SMARCB1: variants seen among roughly 807,000 people sequenced by gnomAD.
The protein encoded by SMARCB1 is SWI/SNF related BAF chromatin remodeling complex subunit B1, also known as SWI/SNF-related matrix-associated actin-dependent regulator of chromatin subfamily B member 1.
A neutral mutation model predicts 49.0 loss-of-function variants in SMARCB1; 5 were observed. The ratio of observed to expected loss-of-function variants is 0.10; its 90% CI spans 0.05 to 0.21. SMARCB1 has a LOEUF of 0.21. Ranked by LOEUF, SMARCB1 falls within the 10% of genes least tolerant of loss-of-function variation. SMARCB1 has a pLI of 1.00. For synonymous variants in SMARCB1, 201 were observed against 200.1 expected (o/e 1.00, Z -0.04); for missense variants, 226 against 509.2 (o/e 0.44, Z 5.35).
In SMARCB1 at chr22:23,837,035, G is replaced by A. The variant is rs552271969; in HGVS notation, c.*2855G>A. 2 of 1,610,940 alleles carry A rather than the reference G, an allele frequency of 1.2e-6. No individual in the cohort carries two copies. The highest frequency in any genetic ancestry group is 2.2e-5 in the East Asian group (1 of 44,840). ...CGGTGGGGATCCTTCTGAGGGTGGG[G>A]AGAGGGAGGGAGGGCTCTCAACACT... On this transcript the variant is annotated 3_prime_UTR_variant, in exon 9 of 9. Transcript: ENST00000644036.
chr22:23,820,821 T>C (rs2030044752), intron 6 of SMARCB1, among the ~76,000 whole-genome samples: 1 of 152,170 alleles, frequency 6.6e-6, no homozygotes, highest in Admixed American at 6.5e-5. Flanking sequence ...TACGGTCTGC[T>C]GGCTCTGGAG....
intron 5 of SMARCB1, among the ~76,000 whole-genome samples, chr22:23,811,910 T>C (rs1929889870): frequency 6.6e-6 from 1 of 152,014 alleles, no homozygotes; most frequent in South Asian, 2.1e-4. Context: ...TTTTGAAAAA[T>C]TAATAAAACT....
At chr22:23,810,220 A>G (rs1202718767) in intron 5 of SMARCB1, among the ~76,000 whole-genome samples, 2 of 149,906 alleles carry the variant, frequency 1.3e-5, no homozygotes, top group Non-Finnish European at 3.0e-5. Context: ...CTTCCCTAAA[A>G]GAGTGGCTAA....
intron 5 of SMARCB1, among the ~76,000 whole-genome samples, chr22:23,805,747 C>T (rs889493172): frequency 2.0e-4 from 31 of 152,314 alleles, no homozygotes; most frequent in African/African-American, 4.1e-4. Context: ...TCAGGTGATC[C>T]GCCCGCCTTG....
chr22:23,824,988 T>G, intron 6 of SMARCB1: 1 of 588,404 alleles, frequency 1.7e-6, no homozygotes, highest in Non-Finnish European at 3.0e-6. Flanking sequence ...CGGGGTCACT[T>G]CAGGGCCTCC....
rs1470474620 is a variant in SMARCB1, at chr22:23,816,809, G to A, written c.668G>A (p.Cys223Tyr). 1.2e-6 allele frequency: 2 copies of A among 1,614,062 alleles called. No homozygotes were observed. The highest frequency in any genetic ancestry group is 1.6e-4 in the Middle Eastern group (1 of 6,062). ...CCTGAGATGTTTTCAGAAATCCTCTGTGACGATCTGGATTTGAACCCGCTG... is the reference window on the plus strand; with the variant it reads ...CCTGAGATGTTTTCAGAAATCCTCTATGACGATCTGGATTTGAACCCGCTG... ...MTPEMFSEIL[C>Y]DDLDLNPLTF... Residue 223 changes from cysteine (C) to tyrosine (Y), a missense_variant, in exon 6 of 9, where the codon TGT (cysteine) becomes TAT (tyrosine). This residue lies in a region of SMARCB1 where 128 missense variants were observed against 263.9 expected (regional missense o/e 0.49). Coordinates refer to ENST00000644036, the MANE Select transcript of SMARCB1 (RefSeq NM_003073.5).
chr22:23,805,255 G>A (rs1366626085), intron 5 of SMARCB1, among the ~76,000 whole-genome samples: 1 of 152,162 alleles, frequency 6.6e-6, no homozygotes, highest in Non-Finnish European at 1.5e-5. Context: ...ATGGGTGAGG[G>A]AGGACACTGG....
chr22:23,837,921 A>T lies in SMARCB1; in HGVS notation c.*3741A>T, dbSNP rs1322184348. On this transcript the variant is annotated 3_prime_UTR_variant, in exon 9 of 9. Coordinates refer to ENST00000644036, the MANE Select transcript of SMARCB1 (RefSeq NM_003073.5). Reference sequence around the variant, plus strand: ...AGCCCAGGGCCCCTCTGACTTCCCAAGACCCTGGAATTCTTCCCCTCATCT... The same window carrying T: ...AGCCCAGGGCCCCTCTGACTTCCCATGACCCTGGAATTCTTCCCCTCATCT... The T allele has an allele frequency of 2.0e-6, 3 of 1,476,590 alleles. No individual in the cohort carries two copies. The African/African-American group carries it at 4.2e-5, about 21-fold the overall frequency. The allele number at this position is 1,476,590 out of a possible 1,614,324, so 91.5% of individuals were successfully genotyped here. A position where few individuals can be genotyped will look rare whatever the true frequency, so the allele number is the denominator to read the frequency against.
chr22:23,836,979 G>A lies in SMARCB1; in HGVS notation c.*2799G>A, dbSNP rs7290412. ...AGCAGCTTTCTGTGGGGAGGGGCCC[G>A]TGTTGAGCACAGGCCAGCACAGGTC... is the stretch of plus-strand genomic sequence containing the variant. On this transcript the variant is annotated 3_prime_UTR_variant, in exon 9 of 9. Coordinates refer to ENST00000644036, the MANE Select transcript of SMARCB1 (RefSeq NM_003073.5). The A allele has an allele frequency of 1.8e-4, 287 of 1,605,640 alleles. 1 individual carries two copies. The African/African-American group carries it at 3.0e-3, about 17-fold the overall frequency.
intron 5 of SMARCB1, chr22:23,804,168 A>G (rs958282692): frequency 1.3e-5 from 2 of 151,750 alleles, no homozygotes; most frequent in Admixed American, 6.6e-5. Context: ...TACTATTTAT[A>G]TTCAGACAAA....
intron 2 of SMARCB1, chr22:23,792,191 G>A (rs1050832046): frequency 6.0e-5 from 25 of 415,962 alleles, no homozygotes; most frequent in South Asian, 8.2e-5. Context: ...GGAATGCTGC[G>A]ATGCTCTGCC....
rs2145963809 is a variant in SMARCB1 at position 23,793,587 on chromosome 22, T to C, written c.261T>C (p.Ser87=). 6.2e-7 allele frequency: 1 copy of C among 1,614,062 alleles called. No individual in the cohort carries two copies. Among genetic ancestry groups the C allele is most frequent in the South Asian group, 1.1e-5 (1 of 91,080 alleles). ...KDHGYTTLAT[S]VTLLKASEVE... is the part of the protein sequence containing the mutation. Reference sequence around the variant, plus strand: ...ACGGATACACGACTCTAGCCACCAGTGTGACCCTGTTAAAAGCCTCGGAAG... The same window carrying C: ...ACGGATACACGACTCTAGCCACCAGCGTGACCCTGTTAAAAGCCTCGGAAG... The change falls in exon 3 of 9, where the codon AGT becomes AGC. Residue 87 remains serine, a synonymous_variant. Coordinates refer to ENST00000644036, the MANE Select transcript of SMARCB1 (RefSeq NM_003073.5).
chr22:23,823,725 C>G (rs2146024185), intron 6 of SMARCB1: 1 of 152,378 alleles, frequency 6.6e-6, no homozygotes, highest in African/African-American at 2.4e-5. Context: ...TGAGGCCAGC[C>G]TGGGCCAACA....
At chr22:23,820,355 A>T (rs1351272877) in intron 6 of SMARCB1, among the ~76,000 whole-genome samples, 1 of 152,080 alleles carries the variant, frequency 6.6e-6, no homozygotes, top group African/African-American at 2.4e-5. Context: ...CGGGCGGATC[A>T]CCTGAGGTCG....
At chr22:23,816,678 T>G in intron 5 of SMARCB1, 92 bp from the exon 6 acceptor site, 1 of 1,202,124 alleles carries the variant, frequency 8.3e-7, no homozygotes, top group Non-Finnish European at 1.2e-6. Flanking sequence ...CATCCGGAGA[T>G]GTTTGGCTTC....
At chr22:23,823,177 CTT>C (rs2030195612) in intron 6 of SMARCB1, 1 of 151,928 alleles carries the variant, frequency 6.6e-6, no homozygotes, top group Non-Finnish European at 1.5e-5. Context: ...ACAGTCTAGA[CTT>C]TGGAATAAAT....
chr22:23,837,947 C>A lies in SMARCB1; in HGVS notation c.*3767C>A. ...GACCCTGGAATTCTTCCCCTCATCT[C>A]CCCTATGTGCTATTCCCTCATCAAG... On this transcript the variant is annotated 3_prime_UTR_variant, in exon 9 of 9. Transcript: ENST00000644036. The A allele has an allele frequency of 1.5e-6, 2 of 1,331,926 alleles. No homozygotes were observed. Among genetic ancestry groups the A allele is most frequent in the South Asian group, 2.8e-5 (2 of 71,658 alleles). 82.5% of individuals were successfully genotyped at this position (1,331,926 alleles called of 1,614,324 possible). A position where few individuals can be genotyped will look rare whatever the true frequency, so the allele number is the denominator to read the frequency against.
At chr22:23,804,148 A>C (rs1929348476) in intron 5 of SMARCB1, 1 of 151,786 alleles carries the variant, frequency 6.6e-6, no homozygotes, top group Non-Finnish European at 1.5e-5. Flanking sequence ...CTGAATTTTT[A>C]TAATGAACAT....
intron 5 of SMARCB1, among the ~76,000 whole-genome samples, chr22:23,810,097 G>A (rs1366108488): frequency 9.2e-5 from 14 of 151,632 alleles, no homozygotes; most frequent in Admixed American, 3.3e-4. Context: ...ACTTGAACCC[G>A]GGAGGCAGAG....
Sources: allele counts gnomAD v4.1 joint callset (sites outside exome capture counted in the v4.1 genomes callset), GRCh38; gene constraint gnomAD v4.1.1; regional missense constraint gnomAD v4.1.1; transcripts MANE v1.5; gene names NCBI Gene and HGNC (gene_info 2026-07-23, HGNC 2026-07-21).